TRAM2: variants seen among roughly 807,000 people sequenced by gnomAD.
TRAM2 encodes the protein translocation associated membrane protein 2.
A neutral mutation model predicts 51.0 loss-of-function variants in TRAM2; 12 were observed. That is an observed-to-expected ratio of 0.24 (90% CI 0.15 to 0.38). The LOEUF (loss-of-function observed/expected upper bound fraction) is 0.38, where lower values mean the gene tolerates loss of function less well. Ranked by LOEUF, TRAM2 falls within the 10% of genes least tolerant of loss-of-function variation. TRAM2 has a pLI of 1.00. For missense variants in TRAM2, 361 were observed against 462.0 expected (o/e 0.78, Z 2.00); for synonymous variants, 175 against 179.4 (o/e 0.98, Z 0.20).
In TRAM2 at chr6:52,499,680, C is replaced by T. The variant is rs955647007; in HGVS notation, c.*3517G>A. On this transcript the variant is annotated 3_prime_UTR_variant, in exon 11 of 11. Transcript: ENST00000182527. ...ACACCCACCCCAAGCTTCAGGGGTT[C>T]TTAGGGTCCCAGGGTTTCCGGTCAA... 1 of 152,254 alleles carries T rather than the reference C, an allele frequency of 6.6e-6. No individual in the cohort carries two copies. The highest frequency in any genetic ancestry group is 1.5e-5 in the Non-Finnish European group (1 of 68,082). 9.4% of individuals were successfully genotyped at this position (152,254 alleles called of 1,614,324 possible).
At chr6:52,536,465 C>T (rs1288354467) in intron 1 of TRAM2, among the ~76,000 whole-genome samples, 1 of 152,150 alleles carries the variant, frequency 6.6e-6, no homozygotes, top group African/African-American at 2.4e-5. Flanking sequence ...GTGGTTGCCA[C>T]CTAGTTATGA....
intron 1 of TRAM2, among the ~76,000 whole-genome samples, chr6:52,550,731 T>G (rs1190913394): frequency 1.3e-5 from 2 of 152,042 alleles, no homozygotes; most frequent in Non-Finnish European, 1.5e-5. Context: ...TTTGTACTTT[T>G]AGTAGAGATG....
chr6:52,555,286 A>G (rs1395981659), intron 1 of TRAM2, among the ~76,000 whole-genome samples: 1 of 40,172 alleles, frequency 2.5e-5, no homozygotes, highest in South Asian at 7.3e-4. Flanking sequence ...TTCTACCCCC[A>G]ACCCACCACC....
chr6:52,541,981 G>C (rs113933388), intron 1 of TRAM2, among the ~76,000 whole-genome samples: 279 of 152,110 alleles, frequency 1.8e-3, no homozygotes, highest in African/African-American at 6.6e-3. Context: ...AAAACACAGA[G>C]ACACATATGT....
rs368211498 is a variant in TRAM2 at position 52,516,649 on chromosome 6, C to G, written c.273G>C (p.Val91=). 6.8e-6 allele frequency: 11 copies of G among 1,613,886 alleles called. No individual in the cohort carries two copies. The highest frequency in any genetic ancestry group is 9.3e-6 in the Non-Finnish European group (11 of 1,179,918). The change falls in exon 3 of 11, where the codon GTG becomes GTC. Residue 91 remains valine (V), a synonymous_variant. Transcript: ENST00000182527. ...TTACATCTAAAATGTACTCCTGAACCACAGCATGCAAGATGATGGTGATGA... is the reference window on the plus strand; with the variant it reads ...TTACATCTAAAATGTACTCCTGAACGACAGCATGCAAGATGATGGTGATGA... ...YIFITIILHA[V]VQEYILDKIS...
Position 52,500,702 on chromosome 6 carries a change from G to C in TRAM2, c.*2495C>G, listed in dbSNP as rs188146573. ...CATGAAGTTGTGGCGTCTCTGGCAC[G>C]CAAGTGTCCTGGGACAGAGCAATGG... On this transcript the variant is annotated 3_prime_UTR_variant, in exon 11 of 11. Coordinates refer to ENST00000182527, the MANE Select transcript of TRAM2 (RefSeq NM_012288.4). The C allele has an allele frequency of 6.6e-6, 1 of 152,318 alleles. No individual in the cohort carries two copies. Among genetic ancestry groups the C allele is most frequent in the Non-Finnish European group, 1.5e-5 (1 of 68,076 alleles). The allele number at this position is 152,318 out of a possible 1,614,324, so 9.4% of individuals were successfully genotyped here.
chr6:52,521,502 G>C (rs1766672591), intron 2 of TRAM2, among the ~76,000 whole-genome samples: 1 of 151,508 alleles, frequency 6.6e-6, no homozygotes, highest in Admixed American at 6.6e-5. Context: ...GACCATCCTG[G>C]CTAACATGGT....
At chr6:52,507,425 C>T (rs1766369823) in intron 7 of TRAM2, 128 bp downstream of exon 7, 1 of 887,828 alleles carries the variant, frequency 1.1e-6, no homozygotes, top group Non-Finnish European at 1.7e-6. Context: ...CTTTGTATTG[C>T]CAAGTCTTAG....
intron 2 of TRAM2, among the ~76,000 whole-genome samples, chr6:52,521,616 G>A (rs1426515634): frequency 1.3e-5 from 2 of 151,886 alleles, no homozygotes; most frequent in Non-Finnish European, 2.9e-5. Context: ...AGAATGGCGT[G>A]AACCCGGGAG....
At chr6:52,543,076 T>C (rs1767133091) in intron 1 of TRAM2, among the ~76,000 whole-genome samples, 1 of 152,242 alleles carries the variant, frequency 6.6e-6, no homozygotes, top group Non-Finnish European at 1.5e-5. Context: ...CTTGGCCTTC[T>C]ACGTGCTTTA....
intron 10 of TRAM2, 149 bp from the exon 11 acceptor site, chr6:52,503,419 A>G (rs1766279015): frequency 2.8e-6 from 2 of 716,902 alleles, no homozygotes; most frequent in African/African-American, 1.7e-5. Flanking sequence ...GCAGCCTTGC[A>G]CAGCAAATGC....
At chr6:52,551,566 T>C (rs1239137961) in intron 1 of TRAM2, among the ~76,000 whole-genome samples, 9 of 152,214 alleles carry the variant, frequency 5.9e-5, no homozygotes, top group Non-Finnish European at 1.0e-4. Flanking sequence ...TTTCTACCTT[T>C]TCCTACAGCT....
Position 52,576,790 on chromosome 6 carries a change from T to A in TRAM2, c.120+6A>T. 6.2e-7 allele frequency: 1 copy of A among 1,611,474 alleles called. No homozygotes were observed. The highest frequency in any genetic ancestry group is 8.5e-7 in the Non-Finnish European group (1 of 1,178,712). On this transcript the variant is annotated splice_donor_region_variant and intron_variant, in intron 1 of 10. Transcript: ENST00000182527. ...CCCTCCAGCTCCCTCCTCCCCAGGC[T>A]CTCACCTCGAACATAAGCCCGATGA...
Position 52,514,731 on chromosome 6 carries a change from G to T in TRAM2, c.411+1275C>A, listed in dbSNP as rs953699192. Among the ~76,000 whole-genome samples, 4 of 152,342 alleles carry T rather than the reference G, an allele frequency of 2.6e-5. No homozygotes were observed. The East Asian group carries it at 5.8e-4, about 22-fold the overall frequency. Reference sequence around the variant, plus strand: ...AGAGATGAGGCAATCCTCCTGAACGGCGTCTTTGGTATCTTGAGGCTGTTC... The same window carrying T: ...AGAGATGAGGCAATCCTCCTGAACGTCGTCTTTGGTATCTTGAGGCTGTTC... On this transcript the variant is annotated intron_variant, in intron 4 of 10. Coordinates refer to ENST00000182527, the MANE Select transcript of TRAM2 (RefSeq NM_012288.4).
At chr6:52,507,170 T>C (rs757327220) in intron 7 of TRAM2, among the ~76,000 whole-genome samples, 2 of 152,210 alleles carry the variant, frequency 1.3e-5, no homozygotes, top group East Asian at 1.9e-4. Context: ...AGTGTTTGCA[T>C]TGGACACTGT....
chr6:52,524,762 T>C (rs1766743828), intron 2 of TRAM2: 1 of 152,186 alleles, frequency 6.6e-6, no homozygotes, highest in Non-Finnish European at 1.5e-5. Flanking sequence ...CTATTTTTTT[T>C]TTCTTCCATA....
rs73429503 is a variant in TRAM2 at position 52,544,712 on chromosome 6, T to G, written c.121-8866A>C. On this transcript the variant is annotated intron_variant, in intron 1 of 10. Transcript: ENST00000182527. ...AGGCCAAGAACATTAATGAAAAACA[T>G]CCAGCACTCAAATGTCTCTGTTTGT... 7.2e-3 allele frequency among the ~76,000 whole-genome samples: 1,095 copies of G among 152,366 alleles called. 13 individuals carry two copies. The highest frequency in any genetic ancestry group is 0.024 in the African/African-American group (1,014 of 41,594).
intron 3 of TRAM2, 47 bp from the exon 4 acceptor site, chr6:52,516,169 T>C (rs1232357834): frequency 5.1e-6 from 8 of 1,555,264 alleles, no homozygotes; most frequent in South Asian, 2.2e-5. Flanking sequence ...AATGTATCCA[T>C]ATTGGGCAGG....
At chr6:52,548,394 G>A (rs895053932) in intron 1 of TRAM2, among the ~76,000 whole-genome samples, 2 of 152,316 alleles carry the variant, frequency 1.3e-5, no homozygotes, top group South Asian at 2.1e-4. Context: ...GACATCTAAC[G>A]TGTGAGATCT....
Sources: gnomAD v4.1 joint callset for allele counts (sites outside exome capture counted in the v4.1 genomes callset) on GRCh38, gnomAD v4.1.1 for gene constraint, MANE v1.5 for transcripts, NCBI Gene and HGNC (gene_info 2026-07-23, HGNC 2026-07-21) for gene names.